Variants in TTC28 observed in about 807,000 individuals in gnomAD.
TTC28 encodes tetratricopeptide repeat domain 28.
Under a neutral mutation model 198.0 loss-of-function variants are expected in TTC28, and 61 were observed. That is an observed-to-expected ratio of 0.31 (90% CI 0.25 to 0.38). The LOEUF (loss-of-function observed/expected upper bound fraction) is 0.38, where lower values mean the gene tolerates loss of function less well. TTC28 is among the 10% of genes least tolerant of loss of function. The pLI, the probability that TTC28 is intolerant of heterozygous loss-of-function variation, is 1.00. For synonymous variants in TTC28, 1,171 were observed against 1,297.8 expected (o/e 0.90, Z 2.10); for missense variants, 2,678 against 3,164.0 (o/e 0.85, Z 3.69).
At chr22:28,505,956 C>T (rs776800183) in intron 2 of TTC28, among the ~76,000 whole-genome samples, 7 of 152,254 alleles carry the variant, frequency 4.6e-5, no homozygotes, top group Non-Finnish European at 8.8e-5. Context: ...TTCCAGCCGG[C>T]TGGCTTTGGA....
chr22:28,217,416 A>G (rs1927493323), intron 5 of TTC28, among the ~76,000 whole-genome samples: 1 of 152,224 alleles, frequency 6.6e-6, no homozygotes, highest in African/African-American at 2.4e-5. Flanking sequence ...CATCTAATTT[A>G]TGGATTCCAT....
At chr22:28,245,877 G>A (rs1192234634) in intron 5 of TTC28, among the ~76,000 whole-genome samples, 1 of 152,120 alleles carries the variant, frequency 6.6e-6, no homozygotes, top group Non-Finnish European at 1.5e-5. Flanking sequence ...ACTTTTCACT[G>A]CAATCAAAGA....
intron 2 of TTC28, among the ~76,000 whole-genome samples, chr22:28,541,631 T>C (rs1476260749): frequency 2.0e-5 from 3 of 152,200 alleles, no homozygotes; most frequent in Admixed American, 6.6e-5. Context: ...TTAATAAAGA[T>C]TGCCAAAATG....
intron 5 of TTC28, among the ~76,000 whole-genome samples, chr22:28,272,244 C>T (rs1465652597): frequency 6.6e-6 from 1 of 152,142 alleles, no homozygotes; most frequent in Non-Finnish European, 1.5e-5. Context: ...ATGTAAGCTC[C>T]ATCAGAGCAC....
At chr22:28,191,142 G>C (rs958908624) in intron 5 of TTC28, among the ~76,000 whole-genome samples, 1 of 152,074 alleles carries the variant, frequency 6.6e-6, no homozygotes. Flanking sequence ...CTGCTTCTAG[G>C]CCATGGTTAA....
chr22:28,002,901 T>C (rs952826441), intron 14 of TTC28, among the ~76,000 whole-genome samples: 4 of 152,170 alleles, frequency 2.6e-5, no homozygotes, highest in African/African-American at 4.8e-5. Flanking sequence ...GGAGAATCGC[T>C]TGAACCCAGG....
intron 3 of TTC28, among the ~76,000 whole-genome samples, chr22:28,302,428 C>T (rs1209864644): frequency 6.6e-6 from 1 of 152,138 alleles, no homozygotes; most frequent in Non-Finnish European, 1.5e-5. Context: ...TTCCACTCCT[C>T]GGTGAGAAGA....
intron 14 of TTC28, among the ~76,000 whole-genome samples, chr22:28,012,763 C>T (rs1030925645): frequency 2.0e-5 from 3 of 152,150 alleles, no homozygotes; most frequent in South Asian, 2.1e-4. Flanking sequence ...CTGCCCGGCT[C>T]GGCCTCCCAA....
intron 11 of TTC28, among the ~76,000 whole-genome samples, chr22:28,095,007 A>G (rs1601613164): frequency 6.6e-6 from 1 of 152,184 alleles, no homozygotes; most frequent in East Asian, 1.9e-4. Flanking sequence ...ATGGCTCATT[A>G]TTACAGGAAT....
chr22:28,634,880 C>T (rs1044189465), intron 1 of TTC28, among the ~76,000 whole-genome samples: 5 of 151,622 alleles, frequency 3.3e-5, no homozygotes, highest in Admixed American at 2.0e-4. Context: ...CTGCCACACC[C>T]GGCCCCAAGT....
intron 2 of TTC28, among the ~76,000 whole-genome samples, chr22:28,516,892 T>C (rs2048799834): frequency 6.6e-6 from 1 of 152,198 alleles, no homozygotes; most frequent in African/African-American, 2.4e-5. Flanking sequence ...TTGTACACCA[T>C]AAACAGATAA....
chr22:28,257,349 CT>C (rs1931003124), intron 5 of TTC28, among the ~76,000 whole-genome samples: 1 of 152,076 alleles, frequency 6.6e-6, no homozygotes, highest in Non-Finnish European at 1.5e-5. Context: ...TGGAATCAGC[CT>C]AAGCATCCAT....
chr22:28,586,018 T>G (rs543229794), intron 2 of TTC28, among the ~76,000 whole-genome samples: 1 of 151,312 alleles, frequency 6.6e-6, no homozygotes, highest in Non-Finnish European at 1.5e-5. Context: ...CGGTGGCTCA[T>G]GCCTGTAATC....
In TTC28 at chr22:28,108,512, T is replaced by C. The variant is rs78652546; in HGVS notation, c.1442-109A>G. On this transcript the variant is annotated intron_variant, in intron 6 of 22. Transcript: ENST00000397906. ...ATAGTAAAATGCAATCCAGATGAAT[T>C]AAAGAATTTAAAATAACAGAAGGTA... The C allele has an allele frequency of 2.3e-4, 222 of 959,928 alleles. No individual in the cohort carries two copies. The East Asian group carries it at 6.3e-3, about 27-fold the overall frequency. 59.5% of individuals were successfully genotyped at this position (959,928 alleles called of 1,614,324 possible). A position where few individuals can be genotyped will look rare whatever the true frequency, so the allele number is the denominator to read the frequency against.
intron 12 of TTC28, among the ~76,000 whole-genome samples, chr22:28,078,029 T>G (rs1941223018): frequency 6.6e-6 from 1 of 152,206 alleles, no homozygotes; most frequent in East Asian, 1.9e-4. Flanking sequence ...TCATAACATC[T>G]CCCTTATGGG....
At chr22:28,470,539 G>A (rs948194222) in intron 2 of TTC28, among the ~76,000 whole-genome samples, 1 of 152,160 alleles carries the variant, frequency 6.6e-6, no homozygotes, top group Admixed American at 6.5e-5. Context: ...TCTACCATAG[G>A]AGTCACCCTT....
At chr22:28,653,325 GA>G (rs2051592997) in intron 1 of TTC28, among the ~76,000 whole-genome samples, 1 of 152,044 alleles carries the variant, frequency 6.6e-6, no homozygotes, top group Non-Finnish European at 1.5e-5. Context: ...GTAACATGGC[GA>G]AACCCCATCT....
At chr22:28,485,537 A>T (rs1392826630) in intron 2 of TTC28, among the ~76,000 whole-genome samples, 1 of 152,140 alleles carries the variant, frequency 6.6e-6, no homozygotes. Flanking sequence ...CAGCATGATT[A>T]AAAAAATTTT....
chr22:28,279,577 GTCCAGGCTGGTCTCGAACT>G (rs2044542846), intron 5 of TTC28, among the ~76,000 whole-genome samples: 1 of 152,102 alleles, frequency 6.6e-6, no homozygotes, highest in Non-Finnish European at 1.5e-5. Flanking sequence ...TCACCATGTT[GTCCAGGCTGGTCTCGAACT>G]TCTTATCTTG....
Sources: gnomAD v4.1 joint callset for allele counts (sites outside exome capture counted in the v4.1 genomes callset) on GRCh38, gnomAD v4.1.1 for gene constraint, MANE v1.5 for transcripts, NCBI Gene and HGNC (gene_info 2026-07-23, HGNC 2026-07-21) for gene names.